CCDC154: variants seen among roughly 807,000 people sequenced by gnomAD.
CCDC154 encodes coiled-coil domain-containing protein 154.
A neutral mutation model predicts 87.5 loss-of-function variants in CCDC154; 91 were observed. The observed-to-expected ratio is 1.04, with a 90% CI of 0.88 to 1.24. CCDC154 has a LOEUF of 1.24. Ranked by LOEUF, CCDC154 falls within the 50% of genes most tolerant of loss-of-function variation. The pLI is 0.00. For synonymous variants in CCDC154, 418 were observed against 400.4 expected (o/e 1.04, Z -0.52); for missense variants, 903 against 879.2 (o/e 1.03, Z -0.34).
At chr16:1,443,326 G>T (rs2038574173) in intron 3 of CCDC154, 25 bp from the exon 4 acceptor site, 1 of 1,544,000 alleles carries the variant, frequency 6.5e-7, no homozygotes, top group African/African-American at 1.4e-5. Flanking sequence ...AGGAGGCTGT[G>T]GGCTGGACCT....
Position 1,444,009 on chromosome 16 carries a change from A to G in CCDC154, c.11T>C (p.Leu4Ser), listed in dbSNP as rs2142358795. The G allele has an allele frequency of 7.7e-7, 1 of 1,299,224 alleles. No homozygotes were observed. The allele number at this position is 1,299,224 out of a possible 1,614,324, so 80.5% of individuals were successfully genotyped here. A position where few individuals can be genotyped will look rare whatever the true frequency, so the allele number is the denominator to read the frequency against. MSELADSGPSGASA... is the reference protein window; with the variant it reads MSESADSGPSGASA... ...TGCCCCTGAGGGTCCACTGTCAGCC[A>G]ACTCTACAAGGAGGCATCTTGGGAG... Residue 4 changes from leucine (L) to serine (S), a missense_variant, in exon 2 of 17, where the codon TTG (leucine) becomes TCG (serine). Physicochemically the swap from Leu to Ser is moderately radical, Grantham distance 145. Transcript: ENST00000389176.
At chr16:1,438,003 G>T (rs774708319) in intron 10 of CCDC154, 47 bp downstream of exon 10, 2 of 1,536,426 alleles carry the variant, frequency 1.3e-6, no homozygotes, top group Admixed American at 3.9e-5. Context: ...CGCCCATCCC[G>T]TGTGCGTGGG....
intron 9 of CCDC154, 151 bp from the exon 10 acceptor site, chr16:1,438,327 G>A: frequency 9.9e-7 from 1 of 1,007,200 alleles, no homozygotes; most frequent in Non-Finnish European, 1.4e-6. Context: ...ACCAACACGG[G>A]TTCACTCCCC....
rs538754332 is a variant in CCDC154 at position 1,442,721 on chromosome 16, G to A, written c.551+159C>T. Among the ~76,000 whole-genome samples the A allele has an allele frequency of 5.1e-4, 78 of 152,368 alleles. 2 individuals are homozygous for A. The highest frequency in any genetic ancestry group is 1.6e-3 in the African/African-American group (65 of 41,582). ...CGAGTCTCTTCCCCACAGAGGGTCCGCAGCGGGCCCAGGCTTCCCAGCACG... is the reference window on the plus strand; with the variant it reads ...CGAGTCTCTTCCCCACAGAGGGTCCACAGCGGGCCCAGGCTTCCCAGCACG... On this transcript the variant is annotated intron_variant, in intron 5 of 16. Transcript: ENST00000389176.
intron 10 of CCDC154, 45 bp downstream of exon 10, chr16:1,438,005 G>C: frequency 6.5e-7 from 1 of 1,537,764 alleles, no homozygotes; most frequent in South Asian, 1.2e-5. Context: ...CCCATCCCGT[G>C]TGCGTGGGAG....
At chr16:1,442,066 G>A (rs1402755576) in intron 6 of CCDC154, among the ~76,000 whole-genome samples, 7 of 151,998 alleles carry the variant, frequency 4.6e-5, no homozygotes, top group African/African-American at 1.2e-4. Flanking sequence ...ACAGGTGCCC[G>A]CCACCACACC....
chr16:1,443,486 T>TGG lies in CCDC154; in HGVS notation c.414+18_414+19dup. ...CCCAGGAAAGGGGCAGCTCGACCTG[T>TGG]GGGTGGGGGAGCCGCTCACCTCCGG... On this transcript the variant is annotated intron_variant, in intron 3 of 16. Coordinates refer to ENST00000389176, the MANE Select transcript of CCDC154 (RefSeq NM_001143980.3). 1 of 1,432,584 alleles carries TGG rather than the reference T, an allele frequency of 7.0e-7. No individual in the cohort carries two copies. The highest frequency in any genetic ancestry group is 2.8e-5 in the Admixed American group (1 of 35,854). 88.7% of individuals were successfully genotyped at this position (1,432,584 alleles called of 1,614,324 possible).
Position 1,442,921 on chromosome 16 carries a change from C to G in CCDC154, c.510G>C (p.Gln170His), listed in dbSNP as rs1261234434. 1.9e-6 allele frequency: 3 copies of G among 1,549,964 alleles called. No individual in the cohort carries two copies. In the South Asian group the frequency reaches 3.6e-5, roughly 18 times the overall value. ...GCTCGGCGCCCCTTCTCTCCGCCTC[C>G]TGTTGCACCTGCCTCCTCCTGAGCC... ...LTRLRRRQVQ[Q>H]EAERRGAEQE... Residue 170 changes from glutamine (Q) to histidine (H), a missense_variant, in exon 5 of 17, where the codon CAG becomes CAC. By Grantham distance (24) the Gln-to-His change is conservative (BLOSUM62 0). Transcript: ENST00000389176.
intron 14 of CCDC154, 57 bp downstream of exon 14, chr16:1,435,912 T>C (rs2038497501): frequency 1.4e-6 from 2 of 1,432,520 alleles, no homozygotes; most frequent in Non-Finnish European, 9.6e-7. Flanking sequence ...GGCTGCCCCG[T>C]CTGAACCTGA....
chr16:1,442,340 C>T (rs1017106377), intron 6 of CCDC154, 66 bp downstream of exon 6: 15 of 1,470,554 alleles, frequency 1.0e-5, no homozygotes, highest in South Asian at 5.6e-5. Context: ...TGGCACAGGC[C>T]GAGAGGGTTA....
At position 1,437,816 on chromosome 16, in the gene CCDC154, C is replaced by T. The variant is rs1316577633; in HGVS notation, c.1290+1G>A. 1.3e-6 allele frequency: 2 copies of T among 1,528,812 alleles called. No homozygotes were observed. The highest frequency in any genetic ancestry group is 2.0e-5 in the Admixed American group (1 of 50,630). The allele number at this position is 1,528,812 out of a possible 1,614,324, so 94.7% of individuals were successfully genotyped here. ...CTGCCCCCGCCCGCTGCCTGGCGCA[C>T]CTCGGACAGCCTGAGGCCCAGCATC... On this transcript the variant is annotated splice_donor_variant, in intron 11 of 16. Transcript: ENST00000389176. LOFTEE classifies it high-confidence loss of function.
chr16:1,442,915 C>A lies in CCDC154; in HGVS notation c.516G>T (p.Ala172=), dbSNP rs777786701. ...CCTCTTGCTCGGCGCCCCTTCTCTC[C>A]GCCTCCTGTTGCACCTGCCTCCTCC... is the stretch of plus-strand genomic sequence containing the variant. The part of the protein sequence containing the change: ...RLRRRQVQQE[A]ERRGAEQEAG... Residue 172 remains alanine, a synonymous_variant, in exon 5 of 17, where the codon GCG becomes GCT. Transcript: ENST00000389176. 6 of 1,549,754 alleles carry A rather than the reference C, an allele frequency of 3.9e-6. No individual in the cohort carries two copies. In the African/African-American group the frequency reaches 8.2e-5, roughly 21 times the overall value.
At chr16:1,442,999 G>A (rs984016900) in intron 4 of CCDC154, 24 bp from the exon 5 acceptor site, 16 of 1,549,308 alleles carry the variant, frequency 1.0e-5, no homozygotes, top group African/African-American at 6.8e-5. Flanking sequence ...AGCCATTCCC[G>A]AGAGGCCCAG....
Position 1,438,129 on chromosome 16 carries a change from G to A in CCDC154, c.1073C>T (p.Ala358Val). The change falls in exon 10 of 17, where the codon GCC becomes GTC. Residue 358 changes from alanine (A) to valine (V), a missense_variant. Ala to Val is a moderately conservative substitution (Grantham distance 64, BLOSUM62 0). Coordinates refer to ENST00000389176, the MANE Select transcript of CCDC154 (RefSeq NM_001143980.3). Reference sequence around the variant, plus strand: ...GGCCTCCAGGTTCTCCTGCACATAGGCGGCCAGCTCCCCAGCCCGGCTTTC... The same window carrying A: ...GGCCTCCAGGTTCTCCTGCACATAGACGGCCAGCTCCCCAGCCCGGCTTTC... Reference protein sequence around the residue: ...LEESRAGELAAYVQENLEAAQ... With the variant: ...LEESRAGELAVYVQENLEAAQ... 1.3e-6 allele frequency: 2 copies of A among 1,548,230 alleles called. No homozygotes were observed. The highest frequency in any genetic ancestry group is 1.2e-5 in the South Asian group (1 of 83,946).
chr16:1,442,467 G>T lies in CCDC154; in HGVS notation c.614C>A (p.Ala205Asp). The T allele has an allele frequency of 3.9e-6, 6 of 1,550,204 alleles. No homozygotes were observed. Among genetic ancestry groups the T allele is most frequent in the Non-Finnish European group, 5.2e-6 (6 of 1,146,826 alleles). Reference protein sequence around the residue: ...EEQGREVACGALQKNQEDSSR... With the variant: ...EEQGREVACGDLQKNQEDSSR... Reference sequence around the variant, plus strand: ...GCTGTCCTCTTGGTTCTTCTGCAGGGCGCCGCAGGCCACCTCCCGGCCCTG... The same window carrying T: ...GCTGTCCTCTTGGTTCTTCTGCAGGTCGCCGCAGGCCACCTCCCGGCCCTG... Residue 205 changes from alanine to aspartate, a missense_variant, in exon 6 of 17, where the codon GCC (alanine) becomes GAC (aspartate). By Grantham distance (126) the Ala-to-Asp change is moderately radical. Coordinates refer to ENST00000389176, the MANE Select transcript of CCDC154 (RefSeq NM_001143980.3).
chr16:1,442,469 G>A lies in CCDC154; in HGVS notation c.612C>T (p.Gly204=). The A allele has an allele frequency of 5.2e-6, 8 of 1,550,112 alleles. No homozygotes were observed. The highest frequency in any genetic ancestry group is 1.2e-5 in the South Asian group (1 of 84,024). ...QEEQGREVAC[G]ALQKNQEDSS... Reference sequence around the variant, plus strand: ...TGTCCTCTTGGTTCTTCTGCAGGGCGCCGCAGGCCACCTCCCGGCCCTGCT... The same window carrying A: ...TGTCCTCTTGGTTCTTCTGCAGGGCACCGCAGGCCACCTCCCGGCCCTGCT... The change falls in exon 6 of 17, where the codon GGC becomes GGT. Residue 204 remains glycine, a synonymous_variant. Transcript: ENST00000389176.
At position 1,435,015 on chromosome 16, in the gene CCDC154, G is replaced by A. The variant is rs1678159392; in HGVS notation, c.1692+74C>T. 7 of 1,451,780 alleles carry A rather than the reference G, an allele frequency of 4.8e-6. No homozygotes were observed. In the South Asian group the frequency reaches 7.4e-5, roughly 15 times the overall value. 89.9% of individuals were successfully genotyped at this position (1,451,780 alleles called of 1,614,324 possible). On this transcript the variant is annotated intron_variant, in intron 15 of 16. Coordinates refer to ENST00000389176, the MANE Select transcript of CCDC154 (RefSeq NM_001143980.3). ...AGACAGACACTGGCGCCTGCAGCAGGGCAGGCGGGGAGGCGGCAGGGCTGA... is the reference window on the plus strand; with the variant it reads ...AGACAGACACTGGCGCCTGCAGCAGAGCAGGCGGGGAGGCGGCAGGGCTGA...
At position 1,443,159 on chromosome 16, in the gene CCDC154, C is replaced by T. The variant is rs535137451; in HGVS notation, c.455+102G>A. On this transcript the variant is annotated intron_variant, in intron 4 of 16. Transcript: ENST00000389176. ...CCTGGATGTGTATCCCCCACTCCAGCGACACCCAGCGGGAGATGTGGACCC... is the reference window on the plus strand; with the variant it reads ...CCTGGATGTGTATCCCCCACTCCAGTGACACCCAGCGGGAGATGTGGACCC... 2.3e-5 allele frequency: 33 copies of T among 1,425,336 alleles called. No individual in the cohort carries two copies. The East Asian group carries it at 2.7e-4, about 12-fold the overall frequency. The allele number at this position is 1,425,336 out of a possible 1,614,324, so 88.3% of individuals were successfully genotyped here.
Position 1,439,107 on chromosome 16 carries a change from C to T in CCDC154, c.695G>A (p.Gly232Asp), listed in dbSNP as rs980427537. 2 of 1,550,050 alleles carry T rather than the reference C, an allele frequency of 1.3e-6. No individual in the cohort carries two copies. Among genetic ancestry groups the T allele is most frequent in the African/African-American group, 2.7e-5 (2 of 73,052 alleles). ...CAGGAAGCGCAGGCTCACCTCTTCG[C>T]CGAGCTTGGTCACCTGGGCCTGGGG... Reference protein sequence around the residue: ...ARMQAQVTKLGEEVSLRFLKR... With the variant: ...ARMQAQVTKLDEEVSLRFLKR... Residue 232 changes from glycine to aspartate, a missense_variant, in exon 7 of 17, where the codon GGC (glycine) becomes GAC (aspartate). Transcript: ENST00000389176.
Sources: allele counts gnomAD v4.1 joint callset (sites outside exome capture counted in the v4.1 genomes callset), GRCh38; gene constraint gnomAD v4.1.1; transcripts MANE v1.5; gene names NCBI Gene and HGNC (gene_info 2026-07-23, HGNC 2026-07-21).